DEDD2: variants seen among roughly 807,000 people sequenced by gnomAD.
DEDD2 encodes the protein death effector domain containing 2.
DEDD2 carries 18 observed loss-of-function variants against 28.9 expected under a neutral mutation model. The observed-to-expected ratio is 0.62, with a 90% CI of 0.43 to 0.92. The LOEUF (loss-of-function observed/expected upper bound fraction) is 0.92. DEDD2 is among the 40% of genes least tolerant of loss of function. DEDD2 has a pLI of 0.00. For missense variants in DEDD2, 411 were observed against 463.3 expected, an observed-to-expected ratio of 0.89 and a Z score of 1.04; for synonymous variants, 211 against 206.1, an observed-to-expected ratio of 1.02 and a Z score of -0.20.
At position 42,199,456 on chromosome 19, in the gene DEDD2, G is replaced by A; in HGVS notation, c.963C>T (p.Arg321=). ...TCCTGGATCAGGAGGCCTCTGTCGG[G>A]CGCCGCCCCCCTTCCTCCTCCATCA... ...LLLMEEEGGR[R]PTEAS Residue 321 remains arginine, a synonymous_variant, in exon 5 of 5, where the codon CGC becomes CGT. Coordinates refer to ENST00000596251, the MANE Select transcript of DEDD2 (RefSeq NM_133328.4). This position sits in a 1 kb window ranked among gnomAD's most constrained non-coding sequence, Gnocchi z 7.4. 1 of 1,607,038 alleles carries A rather than the reference G, an allele frequency of 6.2e-7. No individual in the cohort carries two copies. Among genetic ancestry groups the A allele is most frequent in the Non-Finnish European group, 8.5e-7 (1 of 1,177,528 alleles).
rs1475806849 is a variant in DEDD2, at chr19:42,216,810, T to C, written c.198A>G (p.Leu66=). The C allele has an allele frequency of 6.3e-7, 1 of 1,583,700 alleles. No homozygotes were observed. The highest frequency in any genetic ancestry group is 8.6e-7 in the Non-Finnish European group (1 of 1,165,344). Residue 66 remains leucine, a synonymous_variant, in exon 2 of 5, where the codon CTA becomes CTG. Coordinates refer to ENST00000596251, the MANE Select transcript of DEDD2 (RefSeq NM_133328.4). ...AGGLARARSG[L]ELLLELERRG... Reference sequence around the variant, plus strand: ...GGCGCTCCAGCTCCAGCAGGAGCTCTAGGCCGCTGCGGGCCCGGGCTAAGC... The same window carrying C: ...GGCGCTCCAGCTCCAGCAGGAGCTCCAGGCCGCTGCGGGCCCGGGCTAAGC...
chr19:42,215,262 GAGA>G lies in DEDD2; in HGVS notation c.329-13_329-11del. On this transcript the variant is annotated splice_polypyrimidine_tract_variant and intron_variant, in intron 2 of 4. Coordinates refer to ENST00000596251, the MANE Select transcript of DEDD2 (RefSeq NM_133328.4). Reference sequence around the variant, plus strand: ...TAGCGTTCTGGAGACACTGGAGGAAGAGAAGAACAGGAAGAAGCATTCAGCCTC... The same window carrying G: ...TAGCGTTCTGGAGACACTGGAGGAAGAGAACAGGAAGAAGCATTCAGCCTC... The G allele has an allele frequency of 2.5e-6, 4 of 1,613,652 alleles. No homozygotes were observed. The highest frequency in any genetic ancestry group is 3.4e-6 in the Non-Finnish European group (4 of 1,179,692).
chr19:42,205,409 C>G (rs1307566292), intron 4 of DEDD2, among the ~76,000 whole-genome samples: 1 of 152,132 alleles, frequency 6.6e-6, no homozygotes, highest in East Asian at 1.9e-4. Context: ...GCGGGTGGAT[C>G]ACCTGAGGTC....
At chr19:42,201,897 A>G (rs1304510331) in intron 4 of DEDD2, 4 of 397,566 alleles carry the variant, frequency 1.0e-5, no homozygotes, top group Non-Finnish European at 1.8e-5. Context: ...TGTGGGTGGG[A>G]GAGCAGGGGG....
chr19:42,202,422 C>T (rs2035368433), intron 4 of DEDD2, among the ~76,000 whole-genome samples: 1 of 152,200 alleles, frequency 6.6e-6, no homozygotes, highest in Non-Finnish European at 1.5e-5. Flanking sequence ...CTCGTGGGAG[C>T]CCCACATCCT....
chr19:42,206,447 A>G (rs540915674), intron 4 of DEDD2, among the ~76,000 whole-genome samples: 140 of 152,336 alleles, frequency 9.2e-4, no homozygotes, highest in African/African-American at 3.2e-3. Context: ...CTGACCTAGC[A>G]TATAGTAAAT....
At chr19:42,209,597 T>C in intron 4 of DEDD2, 103 bp downstream of exon 4, 1 of 1,461,192 alleles carries the variant, frequency 6.8e-7, no homozygotes, top group South Asian at 1.4e-5. Flanking sequence ...CTGACACCCA[T>C]CTGCCAAGTG....
At chr19:42,202,568 C>A (rs555534680) in intron 4 of DEDD2, among the ~76,000 whole-genome samples, 1 of 152,148 alleles carries the variant, frequency 6.6e-6, no homozygotes, top group African/African-American at 2.4e-5. Flanking sequence ...CTCCATGCCC[C>A]CATTCAATCT....
chr19:42,216,555 G>C (rs1244204671), intron 2 of DEDD2, 125 bp downstream of exon 2: 14 of 963,100 alleles, frequency 1.5e-5, no homozygotes, highest in Non-Finnish European at 1.9e-5. Context: ...TGTGGGAAGA[G>C]AGAGTAGCAG....
At chr19:42,205,778 T>C (rs2146867977) in intron 4 of DEDD2, among the ~76,000 whole-genome samples, 1 of 152,164 alleles carries the variant, frequency 6.6e-6, no homozygotes. Context: ...TACTTTGGTG[T>C]ATTTTCCATA....
At chr19:42,204,756 C>G (rs911899757) in intron 4 of DEDD2, among the ~76,000 whole-genome samples, 5 of 150,780 alleles carry the variant, frequency 3.3e-5, no homozygotes, top group South Asian at 4.2e-4. Context: ...AGACCCCACC[C>G]CCGCCCCGCC....
At chr19:42,206,476 GAATAAACA>G (rs1459009089) in intron 4 of DEDD2, among the ~76,000 whole-genome samples, 1 of 152,160 alleles carries the variant, frequency 6.6e-6, no homozygotes, top group Non-Finnish European at 1.5e-5. Flanking sequence ...AATACATATG[GAATAAACA>G]AATAAACAAA....
chr19:42,202,465 T>G (rs1163872542), intron 4 of DEDD2, among the ~76,000 whole-genome samples: 1 of 152,060 alleles, frequency 6.6e-6, no homozygotes, highest in African/African-American at 2.4e-5. Context: ...CTCGTCCTTC[T>G]CCCCAGCATG....
intron 2 of DEDD2, among the ~76,000 whole-genome samples, chr19:42,216,028 C>G (rs945208707): frequency 1.3e-5 from 2 of 152,218 alleles, no homozygotes; most frequent in Non-Finnish European, 2.9e-5. Flanking sequence ...TCTGATGATG[C>G]CAAACTCATT....
chr19:42,211,439 G>A (rs1281351590), intron 3 of DEDD2, among the ~76,000 whole-genome samples: 1 of 143,634 alleles, frequency 7.0e-6, no homozygotes, highest in African/African-American at 2.5e-5. Flanking sequence ...GAGGGAGGGA[G>A]GGAGGGAGGG....
At chr19:42,201,895 G>C (rs1383500412) in intron 4 of DEDD2, 3 of 397,732 alleles carry the variant, frequency 7.5e-6, no homozygotes, top group Middle Eastern at 6.3e-4. Flanking sequence ...AATGTGGGTG[G>C]GAGAGCAGGG....
intron 4 of DEDD2, chr19:42,204,674 C>T (rs1337312190): frequency 6.6e-6 from 1 of 152,316 alleles, no homozygotes; most frequent in African/African-American, 2.4e-5. Flanking sequence ...AAGAAGAGGA[C>T]CTGTGCTCCC....
Position 42,212,819 on chromosome 19 carries a change from G to A in DEDD2, c.448+2314C>T, listed in dbSNP as rs367619660. ...TTACTATATTGCCCAGGCTGATCTC[G>A]AACTCCTGGCCTCAGGCAATCCTCC... On this transcript the variant is annotated intron_variant, in intron 3 of 4. Transcript: ENST00000596251. 8.6e-4 allele frequency among the ~76,000 whole-genome samples: 131 copies of A among 152,030 alleles called. 2 individuals carry two copies. In the South Asian group the frequency reaches 0.026, roughly 31 times the overall value.
At chr19:42,209,377 CCGTGATATGCTGCCA>C (rs2035658375) in intron 4 of DEDD2, among the ~76,000 whole-genome samples, 2 of 152,086 alleles carry the variant, frequency 1.3e-5, no homozygotes, top group African/African-American at 4.8e-5. Flanking sequence ...TTTTTTTACC[CCGTGATATGCTGCCA>C]CTGCACAAGA....
Sources: allele counts gnomAD v4.1 joint callset (sites outside exome capture counted in the v4.1 genomes callset), GRCh38; gene constraint gnomAD v4.1.1; non-coding constraint Gnocchi (gnomAD v3.1); transcripts MANE v1.5; gene names NCBI Gene and HGNC (gene_info 2026-07-23, HGNC 2026-07-21).